NSG2: variants seen among roughly 807,000 people sequenced by gnomAD.
NSG2 encodes the protein neuronal vesicle trafficking associated 2, also known as neuronal vesicle trafficking-associated protein 2.
In NSG2, 4 loss-of-function variants were observed where a neutral mutation model predicts 16.9. The ratio of observed to expected loss-of-function variants is 0.24; its 90% confidence interval spans 0.12 to 0.54. The LOEUF (loss-of-function observed/expected upper bound fraction) is 0.54. Among genes scored for constraint, NSG2 ranks in the 20% least tolerant of loss-of-function variants. The probability of loss-of-function intolerance (pLI) is 0.95; values close to 1 mark genes in which losing one functional copy is unlikely to be tolerated. For synonymous variants in NSG2, 98 were observed against 88.7 expected, an observed-to-expected ratio of 1.11 and a Z score of -0.59; for missense variants, 179 against 221.1, an observed-to-expected ratio of 0.81 and a Z score of 1.21.
intron 2 of NSG2, 64 bp downstream of exon 2, chr5:174,046,948 C>A: frequency 1.9e-6 from 3 of 1,546,424 alleles, no homozygotes; most frequent in East Asian, 2.3e-5. Context: ...AATAAAGCAG[C>A]AAAAAATTCC....
At chr5:174,049,981 C>T (rs1561660439) in intron 2 of NSG2, among the ~76,000 whole-genome samples, 1 of 152,152 alleles carries the variant, frequency 6.6e-6, no homozygotes. Context: ...AATCCCACTC[C>T]AACTCTTACC....
At chr5:174,058,944 T>C (rs966843998) in intron 2 of NSG2, among the ~76,000 whole-genome samples, 1 of 152,224 alleles carries the variant, frequency 6.6e-6, no homozygotes, top group African/African-American at 2.4e-5. Context: ...GTATTTGAAC[T>C]TTGTGGTTTG....
At chr5:174,071,061 G>A (rs1014431913) in intron 3 of NSG2, among the ~76,000 whole-genome samples, 2 of 152,204 alleles carry the variant, frequency 1.3e-5, no homozygotes, top group African/African-American at 4.8e-5. Flanking sequence ...AGGATCCTGG[G>A]AATGCCTGCA....
chr5:174,083,209 C>T (rs897661091), intron 3 of NSG2, among the ~76,000 whole-genome samples: 18 of 152,224 alleles, frequency 1.2e-4, no homozygotes, highest in Non-Finnish European at 5.9e-5. Flanking sequence ...GCCGACACCA[C>T]GTATACGTCA....
rs772886581 is a variant in NSG2, at chr5:174,064,304, G to A, written c.202G>A (p.Ala68Thr). The part of the protein sequence containing the change: ...NKGKFRVPKI[A>T]EFTVTILVSL... ...AGGGAAGTTCCGGGTGCCGAAAATC[G>A]CTGAATTTACGGTCAGTTTCTTGAT... The change falls in exon 3 of 5, where the codon GCT becomes ACT. Residue 68 changes from alanine to threonine, a missense_variant. Coordinates refer to ENST00000303177, the MANE Select transcript of NSG2 (RefSeq NM_015980.5). 1.1e-5 allele frequency: 17 copies of A among 1,610,090 alleles called. No individual in the cohort carries two copies. The highest frequency in any genetic ancestry group is 3.3e-5 in the Admixed American group (2 of 59,920).
rs148818346 is a variant in NSG2, at chr5:174,065,409, C to T, written c.213+1094C>T. On this transcript the variant is annotated intron_variant, in intron 3 of 4. Coordinates refer to ENST00000303177, the MANE Select transcript of NSG2 (RefSeq NM_015980.5). ...CAGACACAGATGAGGCAGAAGTGGG[C>T]GGAGGGCAGACAGTTCCAAGCATTG... Among the ~76,000 whole-genome samples, 143 of 151,530 alleles carry T rather than the reference C, an allele frequency of 9.4e-4. No homozygotes were observed. In the East Asian group the frequency reaches 0.01, roughly 11 times the overall value.
At chr5:174,089,408 G>A (rs1305119821) in intron 3 of NSG2, among the ~76,000 whole-genome samples, 1 of 152,168 alleles carries the variant, frequency 6.6e-6, no homozygotes, top group Non-Finnish European at 1.5e-5. Context: ...AGGTAGGAGA[G>A]GGTGTATTTT....
intron 2 of NSG2, chr5:174,062,550 G>A (rs1760070331): frequency 6.6e-6 from 1 of 152,116 alleles, no homozygotes; most frequent in Admixed American, 6.6e-5. Flanking sequence ...CCCTGTTTGA[G>A]GAAGCCAGGG....
chr5:174,088,363 G>A (rs1760667084), intron 3 of NSG2, among the ~76,000 whole-genome samples: 1 of 152,186 alleles, frequency 6.6e-6, no homozygotes, highest in Non-Finnish European at 1.5e-5. Flanking sequence ...GCTCTGGCCA[G>A]TAATGAAGGC....
chr5:174,085,519 T>G (rs1760594803), intron 3 of NSG2, among the ~76,000 whole-genome samples: 1 of 152,202 alleles, frequency 6.6e-6, no homozygotes, highest in Non-Finnish European at 1.5e-5. Context: ...CAAATTAAAA[T>G]TATCATCATG....
At chr5:174,049,158 T>C (rs564521954) in intron 2 of NSG2, among the ~76,000 whole-genome samples, 14 of 151,960 alleles carry the variant, frequency 9.2e-5, no homozygotes, top group Non-Finnish European at 1.8e-4. Context: ...GCGAACACGG[T>C]GAAACCGCGT....
intron 3 of NSG2, among the ~76,000 whole-genome samples, chr5:174,088,752 T>C (rs937075470): frequency 6.6e-6 from 1 of 152,146 alleles, no homozygotes; most frequent in Non-Finnish European, 1.5e-5. Flanking sequence ...TCAAGGTGGC[T>C]ATTAGGATTC....
chr5:174,104,621 T>C (rs1760948468), intron 4 of NSG2, among the ~76,000 whole-genome samples: 1 of 152,158 alleles, frequency 6.6e-6, no homozygotes, highest in Non-Finnish European at 1.5e-5. Context: ...CCTCTTGACA[T>C]GGACTGTTCC....
chr5:174,104,050 G>A (rs72814796), intron 3 of NSG2, among the ~76,000 whole-genome samples, 178 bp from the exon 4 acceptor site: 19,088 of 152,116 alleles, frequency 0.13, 1,699 homozygotes, highest in African/African-American at 0.25. Flanking sequence ...CCTGCAGAAG[G>A]GGGAAAGAGG....
intron 3 of NSG2, among the ~76,000 whole-genome samples, chr5:174,081,304 T>C (rs897847031): frequency 6.6e-6 from 1 of 152,220 alleles, no homozygotes; most frequent in African/African-American, 2.4e-5. Context: ...TGGTCAGTAC[T>C]TTCAGATTTG....
intron 3 of NSG2, among the ~76,000 whole-genome samples, chr5:174,065,720 G>A (rs1158129501): frequency 1.3e-5 from 2 of 152,178 alleles, no homozygotes; most frequent in Non-Finnish European, 2.9e-5. Context: ...CAAACAATCA[G>A]CCCTGGAGGC....
intron 2 of NSG2, among the ~76,000 whole-genome samples, chr5:174,061,797 G>T (rs531580474): frequency 1.1e-3 from 160 of 151,642 alleles, no homozygotes; most frequent in Non-Finnish European, 1.7e-3. Context: ...TAAATATGGG[G>T]TTTCACCATG....
chr5:174,051,164 A>G (rs1010234731), intron 2 of NSG2, among the ~76,000 whole-genome samples: 2 of 152,122 alleles, frequency 1.3e-5, no homozygotes, highest in Non-Finnish European at 2.9e-5. Context: ...TCACAACTAG[A>G]GGGAGGATTC....
chr5:174,048,782 A>T (rs1447505297), intron 2 of NSG2, among the ~76,000 whole-genome samples: 1 of 152,158 alleles, frequency 6.6e-6, no homozygotes, highest in African/African-American at 2.4e-5. Context: ...ACCACTGAGT[A>T]TCCAGTCCAG....
Sources: allele counts gnomAD v4.1 joint callset (sites outside exome capture counted in the v4.1 genomes callset), GRCh38; gene constraint gnomAD v4.1.1; transcripts MANE v1.5; gene names NCBI Gene and HGNC (gene_info 2026-07-23, HGNC 2026-07-21).